ZSWIM5: variants seen among roughly 807,000 people sequenced by gnomAD.
ZSWIM5 encodes zinc finger SWIM-type containing 5.
In ZSWIM5, 55 loss-of-function variants were observed where a neutral mutation model predicts 119.6. That is an observed-to-expected ratio of 0.46 (90% CI 0.37 to 0.58). The LOEUF (loss-of-function observed/expected upper bound fraction) is 0.58. Ranked by LOEUF, ZSWIM5 falls within the 20% of genes least tolerant of loss-of-function variation. The probability of loss-of-function intolerance (pLI) is 0.00; values close to 1 mark genes in which losing one functional copy is unlikely to be tolerated. For synonymous variants in ZSWIM5, 537 were observed against 606.9 expected, an observed-to-expected ratio of 0.88 and a Z score of 1.69; for missense variants, 1,193 against 1,512.8, an observed-to-expected ratio of 0.79 and a Z score of 3.51.
intron 11 of ZSWIM5, among the ~76,000 whole-genome samples, chr1:45,033,227 C>T (rs376308181): frequency 6.6e-6 from 1 of 152,026 alleles, no homozygotes; most frequent in Non-Finnish European, 1.5e-5. Flanking sequence ...TGTCTAAAAA[C>T]GATTTGTATC....
At chr1:45,205,734 G>A (rs781514792) in intron 1 of ZSWIM5, 22 bp downstream of exon 1, 1 of 1,541,540 alleles carries the variant, frequency 6.5e-7, no homozygotes, top group East Asian at 2.5e-5. Flanking sequence ...GAGGACCCGA[G>A]AACGCCTGGA....
In ZSWIM5 at chr1:45,193,409, G is replaced by A. The variant is rs779726839; in HGVS notation, c.595+12347C>T. Among the ~76,000 whole-genome samples the A allele has an allele frequency of 1.4e-4, 22 of 152,214 alleles. No homozygotes were observed. The South Asian group carries it at 2.7e-3, about 19-fold the overall frequency. On this transcript the variant is annotated intron_variant, in intron 1 of 13. Transcript: ENST00000359600. ...ATTAGAAGACTTGATATAAGAAGGC[G>A]CATCCTACTATTGTGGGGTAAGAGA...
intron 2 of ZSWIM5, among the ~76,000 whole-genome samples, chr1:45,066,773 A>T (rs1268368486): frequency 6.6e-6 from 1 of 152,200 alleles, no homozygotes; most frequent in African/African-American, 2.4e-5. Context: ...AATGGAATAG[A>T]GGGGATTAAT....
At chr1:45,194,538 A>T (rs1303953214) in intron 1 of ZSWIM5, among the ~76,000 whole-genome samples, 1 of 152,134 alleles carries the variant, frequency 6.6e-6, no homozygotes, top group Non-Finnish European at 1.5e-5. Context: ...CTATGCACCA[A>T]AGTATTACGG....
chr1:45,130,581 A>G (rs1214006960), intron 1 of ZSWIM5, among the ~76,000 whole-genome samples: 1 of 152,220 alleles, frequency 6.6e-6, no homozygotes, highest in Non-Finnish European at 1.5e-5. Context: ...AAAAAAAAAT[A>G]GCAACACCAC....
At chr1:45,180,425 C>T (rs1040080436) in intron 1 of ZSWIM5, among the ~76,000 whole-genome samples, 10 of 152,126 alleles carry the variant, frequency 6.6e-5, no homozygotes, top group South Asian at 2.1e-4. Flanking sequence ...ACAAAGCAGC[C>T]GGGAAGCTCC....
Position 45,040,538 on chromosome 1 carries a change from T to C in ZSWIM5, c.1610A>G (p.Glu537Gly), listed in dbSNP as rs1459699566. 1.3e-6 allele frequency: 2 copies of C among 1,583,264 alleles called. No individual in the cohort carries two copies. The highest frequency in any genetic ancestry group is 2.3e-5 in the East Asian group (1 of 44,206). ...FNSQGQPLWL[E>G]HVPTACARVD... is the part of the protein sequence containing the mutation. ...TCGAGCACAGGCTGTAGGCACATGC[T>C]CTACCAAGTAAGAAGAAGATATTTT... is the stretch of plus-strand genomic sequence containing the variant. Residue 537 changes from glutamate to glycine, a missense_variant and splice_region_variant, in exon 7 of 14, where the codon GAG (glutamate) becomes GGG (glycine). Physicochemically the swap from Glu to Gly is moderately conservative, Grantham distance 98. Coordinates refer to ENST00000359600, the MANE Select transcript of ZSWIM5 (RefSeq NM_020883.2).
At chr1:45,125,509 C>T (rs1440061047) in intron 1 of ZSWIM5, among the ~76,000 whole-genome samples, 1 of 151,892 alleles carries the variant, frequency 6.6e-6, no homozygotes, top group East Asian at 1.9e-4. Flanking sequence ...AAACAAAAGG[C>T]CACGCCTATA....
intron 1 of ZSWIM5, among the ~76,000 whole-genome samples, chr1:45,092,091 CAAT>C (rs1409109552): frequency 2.0e-5 from 3 of 152,148 alleles, no homozygotes; most frequent in African/African-American, 7.2e-5. Flanking sequence ...GAATTTCCCA[CAAT>C]GTTAGACACA....
At chr1:45,157,051 C>T (rs1007176355) in intron 1 of ZSWIM5, among the ~76,000 whole-genome samples, 3 of 152,098 alleles carry the variant, frequency 2.0e-5, no homozygotes, top group African/African-American at 7.2e-5. Flanking sequence ...TTGTCAATCC[C>T]CTCTATAGGC....
Position 45,040,490 on chromosome 1 carries a change from C to T in ZSWIM5, c.1658G>A (p.Gly553Asp). ...GAGTCTGAGGGCCTCTTTTGGATAA[C>T]CATGGGAACGCAGGGCGTCAACTCG... ...CARVDALRSH[G>D]YPKEALRLTV... The change falls in exon 7 of 14, where the codon GGT (glycine) becomes GAT (aspartate). Residue 553 changes from glycine to aspartate, a missense_variant. Physicochemically the swap from Gly to Asp is moderately conservative, Grantham distance 94 (BLOSUM62 -1). Around this residue, in one of 2 missense-constraint regions of ZSWIM5, gnomAD observed 961 missense variants for 1,290.0 expected, o/e 0.74. Coordinates refer to ENST00000359600, the MANE Select transcript of ZSWIM5 (RefSeq NM_020883.2). 1 of 1,612,204 alleles carries T rather than the reference C, an allele frequency of 6.2e-7. No individual in the cohort carries two copies. Among genetic ancestry groups the T allele is most frequent in the South Asian group, 1.1e-5 (1 of 90,466 alleles).
chr1:45,182,419 C>A (rs559671685), intron 1 of ZSWIM5, among the ~76,000 whole-genome samples: 18,948 of 114,796 alleles, frequency 0.17, 3,634 homozygotes, highest in African/African-American at 0.42. Context: ...AACAAACAAA[C>A]AAACAAACAA....
intron 5 of ZSWIM5, 115 bp from the exon 6 acceptor site, chr1:45,043,510 T>A (rs1194378893): frequency 2.0e-6 from 2 of 1,012,992 alleles, no homozygotes; most frequent in Non-Finnish European, 2.9e-6. Context: ...AGAATAACTC[T>A]GGCAGCAGTA....
At chr1:45,129,608 C>T (rs1645642909) in intron 1 of ZSWIM5, among the ~76,000 whole-genome samples, 1 of 152,124 alleles carries the variant, frequency 6.6e-6, no homozygotes, top group Admixed American at 6.5e-5. Context: ...CATATATTTA[C>T]CTGCTTCCTT....
chr1:45,038,593 A>G (rs1644999451), intron 8 of ZSWIM5, among the ~76,000 whole-genome samples: 1 of 33,802 alleles, frequency 3.0e-5, no homozygotes, highest in Non-Finnish European at 6.6e-5. Context: ...AAAAGGGCTG[A>G]CGAGGGCAGT....
At chr1:45,178,455 G>A (rs1001281343) in intron 1 of ZSWIM5, among the ~76,000 whole-genome samples, 7 of 152,100 alleles carry the variant, frequency 4.6e-5, no homozygotes, top group Admixed American at 1.3e-4. Flanking sequence ...TTAGACAAAT[G>A]CTACATTAAT....
At chr1:45,164,034 T>G (rs1428511402) in intron 1 of ZSWIM5, among the ~76,000 whole-genome samples, 1 of 152,026 alleles carries the variant, frequency 6.6e-6, no homozygotes, top group Admixed American at 6.6e-5. Flanking sequence ...TCACCAAAGT[T>G]GAAATGAAGG....
At chr1:45,118,933 G>A (rs920029154) in intron 1 of ZSWIM5, among the ~76,000 whole-genome samples, 3 of 152,068 alleles carry the variant, frequency 2.0e-5, no homozygotes, top group Non-Finnish European at 4.4e-5. Flanking sequence ...CAATAAATGA[G>A]TAGACAAAAT....
At chr1:45,205,519 AAGAG>A (rs960071083) in intron 1 of ZSWIM5, among the ~76,000 whole-genome samples, 3 of 152,172 alleles carry the variant, frequency 2.0e-5, no homozygotes, top group African/African-American at 7.2e-5. Flanking sequence ...AAGAGTGAAG[AAGAG>A]AGATCTATTC....
Sources: gnomAD v4.1 joint callset for allele counts (sites outside exome capture counted in the v4.1 genomes callset) on GRCh38, gnomAD v4.1.1 for gene constraint, gnomAD v4.1.1 regional missense constraint, MANE v1.5 for transcripts, NCBI Gene and HGNC (gene_info 2026-07-23, HGNC 2026-07-21) for gene names.